KAT6B: variants seen among roughly 807,000 people sequenced by gnomAD.
KAT6B encodes the protein histone acetyltransferase KAT6B.
KAT6B carries 10 observed loss-of-function variants against 187.5 expected under a neutral mutation model. That is an observed-to-expected ratio of 0.05 (90% CI 0.03 to 0.09). The LOEUF is 0.09. KAT6B is among the 10% of genes least tolerant of loss of function. The pLI is 1.00. For missense variants in KAT6B, 1,952 were observed against 2,558.9 expected (o/e 0.76, Z 5.12); for synonymous variants, 861 against 926.8 (o/e 0.93, Z 1.29).
intron 3 of KAT6B, among the ~76,000 whole-genome samples, chr10:74,877,546 T>A (rs1397826294): frequency 6.6e-6 from 1 of 152,186 alleles, no homozygotes; most frequent in Non-Finnish European, 1.5e-5. Context: ...GGTTATACTA[T>A]GCCTGGATCA....
At chr10:74,939,186 ACT>A (rs1444067892) in intron 3 of KAT6B, among the ~76,000 whole-genome samples, 2 of 151,352 alleles carry the variant, frequency 1.3e-5, no homozygotes, top group African/African-American at 4.9e-5. Flanking sequence ...TTGGTTTACT[ACT>A]CTCTGCCTGT....
chr10:74,981,459 C>T (rs1008691243), intron 10 of KAT6B, among the ~76,000 whole-genome samples: 4 of 152,108 alleles, frequency 2.6e-5, no homozygotes, highest in Non-Finnish European at 5.9e-5. Context: ...CTGCAACCTC[C>T]GCCTCATGGG....
intron 3 of KAT6B, among the ~76,000 whole-genome samples, chr10:74,944,808 C>CAAAA (rs58164194): frequency 0.011 from 345 of 32,838 alleles, 38 homozygotes; most frequent in African/African-American, 0.028. Flanking sequence ...GACTCCGTCT[C>CAAAA]AAAAAAAAAA....
chr10:74,870,243 T>A (rs1843819462), intron 3 of KAT6B, among the ~76,000 whole-genome samples: 1 of 152,088 alleles, frequency 6.6e-6, no homozygotes, highest in South Asian at 2.1e-4. Flanking sequence ...CAGTGAGCCA[T>A]GATCACACCA....
chr10:74,983,570 A>G (rs1842647692), intron 11 of KAT6B: 1 of 152,212 alleles, frequency 6.6e-6, no homozygotes, highest in South Asian at 2.1e-4. Flanking sequence ...AAAGCTCAAA[A>G]CACATTGTTG....
At chr10:74,915,248 T>C (rs1439368852) in intron 3 of KAT6B, among the ~76,000 whole-genome samples, 1 of 152,190 alleles carries the variant, frequency 6.6e-6, no homozygotes, top group Admixed American at 6.5e-5. Flanking sequence ...TTCTCTGTGG[T>C]TTTAAGAATC....
intron 13 of KAT6B, among the ~76,000 whole-genome samples, chr10:74,998,549 C>T (rs1245924506): frequency 6.6e-6 from 1 of 152,154 alleles, no homozygotes; most frequent in Non-Finnish European, 1.5e-5. Context: ...CTAAAACAGA[C>T]TTGATATTTC....
intron 3 of KAT6B, among the ~76,000 whole-genome samples, chr10:74,899,038 G>A (rs1313701897): frequency 1.3e-5 from 2 of 149,590 alleles, no homozygotes; most frequent in Non-Finnish European, 3.0e-5. Context: ...GCAGGCACCT[G>A]TAATCTCAGC....
At chr10:74,949,100 T>C (rs1383527885) in intron 3 of KAT6B, among the ~76,000 whole-genome samples, 3 of 152,246 alleles carry the variant, frequency 2.0e-5, no homozygotes, top group Non-Finnish European at 4.4e-5. Flanking sequence ...TGTAAGTTGA[T>C]TTTAAAATTC....
At chr10:74,892,606 C>T (rs992696234) in intron 3 of KAT6B, among the ~76,000 whole-genome samples, 2 of 152,054 alleles carry the variant, frequency 1.3e-5, no homozygotes, top group Non-Finnish European at 2.9e-5. Context: ...GCAAGGAACT[C>T]TTAGGGGTAG....
chr10:74,947,219 A>G (rs1840014345), intron 3 of KAT6B, among the ~76,000 whole-genome samples: 1 of 152,126 alleles, frequency 6.6e-6, no homozygotes, highest in Non-Finnish European at 1.5e-5. Flanking sequence ...CTGGTCTCGA[A>G]CTCAAGTGAT....
chr10:74,987,995 C>A (rs1434864775), intron 12 of KAT6B, among the ~76,000 whole-genome samples: 1 of 152,216 alleles, frequency 6.6e-6, no homozygotes, highest in East Asian at 1.9e-4. Flanking sequence ...CCATAGACAA[C>A]TACAAATGTG....
intron 3 of KAT6B, among the ~76,000 whole-genome samples, chr10:74,850,173 C>T (rs1402529491): frequency 2.0e-5 from 3 of 152,080 alleles, no homozygotes; most frequent in Non-Finnish European, 4.4e-5. Flanking sequence ...CTCCTGACCT[C>T]GTGATCCACC....
chr10:74,878,500 A>G (rs1035755364), intron 3 of KAT6B, among the ~76,000 whole-genome samples: 5 of 151,786 alleles, frequency 3.3e-5, no homozygotes, highest in Non-Finnish European at 5.9e-5. Flanking sequence ...TGTGCCTGTA[A>G]TCCCAGCTAC....
At chr10:74,974,579 G>A (rs1174648857) in intron 7 of KAT6B, among the ~76,000 whole-genome samples, 2 of 152,162 alleles carry the variant, frequency 1.3e-5, no homozygotes, top group Admixed American at 6.5e-5. Context: ...CTGTGTTAGC[G>A]AGTGACCTCT....
In KAT6B at chr10:75,029,365, A is replaced by C; in HGVS notation, c.4541A>C (p.Lys1514Thr). The C allele has an allele frequency of 5.6e-6, 9 of 1,614,200 alleles. No individual in the cohort carries two copies. The highest frequency in any genetic ancestry group is 1.3e-5 in the African/African-American group (1 of 75,046). ...EEPPPGEQAQ[K>T]QDQKNSKEVD... ...CCACCCCCAGGAGAACAGGCACAGA[A>C]GCAGGACCAAAAGAACAGCAAGGAA... Residue 1514 changes from lysine to threonine, a missense_variant, in exon 18 of 18, where the codon AAG (lysine) becomes ACG (threonine). By Grantham distance (78) the Lys-to-Thr change is moderately conservative. This residue lies in a region of KAT6B where 758 missense variants were observed against 891.4 expected (regional missense o/e 0.85). Coordinates refer to ENST00000287239, the MANE Select transcript of KAT6B (RefSeq NM_012330.4). This position sits in a 1 kb window ranked among gnomAD's most constrained non-coding sequence, Gnocchi z 6.2.
At chr10:74,882,711 C>A (rs1232406546) in intron 3 of KAT6B, among the ~76,000 whole-genome samples, 1 of 152,204 alleles carries the variant, frequency 6.6e-6, no homozygotes, top group Non-Finnish European at 1.5e-5. Context: ...TTACCTTAAA[C>A]AATTGTCTTT....
At chr10:74,980,458 G>A (rs1304739417) in intron 10 of KAT6B, among the ~76,000 whole-genome samples, 8 of 152,172 alleles carry the variant, frequency 5.3e-5, no homozygotes, top group Non-Finnish European at 1.2e-4. Context: ...AAAGTTAAGT[G>A]ACAAAATAAG....
chr10:75,008,769 A>C (rs760504568), intron 13 of KAT6B, among the ~76,000 whole-genome samples: 3 of 152,212 alleles, frequency 2.0e-5, no homozygotes, highest in African/African-American at 4.8e-5. Context: ...AATTTATATA[A>C]ATCTTCCTTG....
Sources: gnomAD v4.1 joint callset for allele counts (sites outside exome capture counted in the v4.1 genomes callset) on GRCh38, gnomAD v4.1.1 for gene constraint, gnomAD v4.1.1 regional missense constraint, Gnocchi (gnomAD v3.1) non-coding constraint, MANE v1.5 for transcripts, NCBI Gene and HGNC (gene_info 2026-07-23, HGNC 2026-07-21) for gene names.